The following USP54 variants were observed in gnomAD, a reference collection of about 807,000 sequenced individuals.
USP54 encodes ubiquitin specific peptidase 54, also known as ubiquitin carboxyl-terminal hydrolase 54.
A neutral mutation model predicts 170.5 loss-of-function variants in USP54; 87 were observed. That is an observed-to-expected ratio of 0.51 (90% CI 0.43 to 0.61). The LOEUF (loss-of-function observed/expected upper bound fraction) is 0.61. USP54 is among the 20% of genes least tolerant of loss of function. USP54 has a pLI of 0.00. For synonymous variants in USP54, 655 were observed against 742.8 expected, an observed-to-expected ratio of 0.88 and a Z score of 1.92; for missense variants, 1,786 against 2,047.8, an observed-to-expected ratio of 0.87 and a Z score of 2.47.
chr10:73,524,308 G>A (rs763507687), intron 16 of USP54, among the ~76,000 whole-genome samples: 4 of 151,950 alleles, frequency 2.6e-5, no homozygotes, highest in Non-Finnish European at 5.9e-5. Flanking sequence ...GGCCGGGCAT[G>A]GTGACTCACG....
intron 1 of USP54, among the ~76,000 whole-genome samples, chr10:73,587,715 A>G (rs963955836): frequency 1.3e-5 from 2 of 152,222 alleles, no homozygotes; most frequent in African/African-American, 4.8e-5. Flanking sequence ...AAATGTGACT[A>G]ATAATAACAT....
intron 12 of USP54, among the ~76,000 whole-genome samples, chr10:73,532,396 C>T (rs539875298): frequency 3.0e-4 from 46 of 152,184 alleles, no homozygotes; most frequent in Admixed American, 2.7e-3. Context: ...AGGATGGTCT[C>T]GATCTCCTGA....
At chr10:73,599,301 T>G (rs892654826) in intron 1 of USP54, among the ~76,000 whole-genome samples, 3 of 152,216 alleles carry the variant, frequency 2.0e-5, no homozygotes, top group Admixed American at 2.0e-4. Context: ...AACAATCCCC[T>G]GATCCACAAA....
intron 1 of USP54, among the ~76,000 whole-genome samples, chr10:73,600,013 T>C (rs1424574970): frequency 6.6e-6 from 1 of 151,518 alleles, no homozygotes; most frequent in Non-Finnish European, 1.5e-5. Context: ...GCGATTCTCC[T>C]GTCTCAACCT....
chr10:73,624,399 G>C (rs191164986), intron 1 of USP54: 3 of 131,832 alleles, frequency 2.3e-5, no homozygotes, highest in African/African-American at 5.6e-5. Context: ...GGGGGGGGGG[G>C]GTTTCACCAT....
upstream of USP54, among the ~76,000 whole-genome samples, chr10:73,595,073 A>C (rs1467136650): frequency 6.6e-6 from 1 of 151,946 alleles, no homozygotes; most frequent in East Asian, 1.9e-4. Flanking sequence ...TTACAGGTGC[A>C]CACCACCACA....
In USP54 at chr10:73,613,739, C is replaced by T. The variant is rs537598349; in HGVS notation, c.-18+11828G>A. Among the ~76,000 whole-genome samples the T allele has an allele frequency of 9.6e-4, 145 of 151,688 alleles. 2 individuals carry two copies. Among genetic ancestry groups the T allele is most frequent in the Admixed American group, 2.6e-4 (4 of 15,222 alleles). On this transcript the variant is annotated intron_variant, in intron 1 of 22. Coordinates refer to the USP54 transcript ENST00000339859. ...CTAAAAATACAAAAAATTAGCTGGG[C>T]GTGGTGGCGCGTGCCTGTAATCCCA...
Position 73,517,588 on chromosome 10 carries a change from G to C in USP54, c.2838C>G (p.Ser946Arg). ...LSPESSAPQHSSPSRSALKLL... is the reference protein window; with the variant it reads ...LSPESSAPQHRSPSRSALKLL... ...GCTTCAAGGCAGATCTACTGGGGGAGCTGTGCTGTGGGGCAGATGACTCTG... is the reference window on the plus strand; with the variant it reads ...GCTTCAAGGCAGATCTACTGGGGGACCTGTGCTGTGGGGCAGATGACTCTG... Residue 946 changes from serine to arginine, a missense_variant, in exon 20 of 24, where the codon AGC (serine) becomes AGG (arginine). Coordinates refer to ENST00000687698, the MANE Select transcript of USP54 (RefSeq NM_001391956.1). The C allele has an allele frequency of 6.2e-7, 1 of 1,614,228 alleles. No homozygotes were observed. The highest frequency in any genetic ancestry group is 8.5e-7 in the Non-Finnish European group (1 of 1,180,048).
intron 1 of USP54, among the ~76,000 whole-genome samples, chr10:73,608,886 CAG>C (rs973917451): frequency 6.6e-6 from 1 of 152,098 alleles, no homozygotes; most frequent in African/African-American, 2.4e-5. Context: ...GCCAGGGGGA[CAG>C]AGTGAGACTT....
chr10:73,542,799 T>G lies in USP54; in HGVS notation c.572+4A>C. 6.2e-7 allele frequency: 1 copy of G among 1,611,568 alleles called. No homozygotes were observed. The highest frequency in any genetic ancestry group is 8.5e-7 in the Non-Finnish European group (1 of 1,179,132). ...CGCACAACAGAAAATCTTGTAAGACTCACCAAAGGGAAGTGGTGGAGATAT... is the reference window on the plus strand; with the variant it reads ...CGCACAACAGAAAATCTTGTAAGACGCACCAAAGGGAAGTGGTGGAGATAT... On this transcript the variant is annotated splice_donor_region_variant and intron_variant, in intron 7 of 23. Coordinates refer to ENST00000687698, the MANE Select transcript of USP54 (RefSeq NM_001391956.1).
chr10:73,528,156 G>T (rs1251521264), intron 15 of USP54, among the ~76,000 whole-genome samples: 1 of 151,914 alleles, frequency 6.6e-6, no homozygotes, highest in Admixed American at 6.6e-5. Context: ...AGATGTTCTC[G>T]ATCTCCTGAC....
At chr10:73,558,713 G>T (rs2071915266) in intron 4 of USP54, among the ~76,000 whole-genome samples, 1 of 152,098 alleles carries the variant, frequency 6.6e-6, no homozygotes, top group African/African-American at 2.4e-5. Flanking sequence ...TGACTTTACA[G>T]AATTGGCAAG....
intron 4 of USP54, among the ~76,000 whole-genome samples, chr10:73,559,375 A>G (rs1256685111): frequency 6.6e-6 from 1 of 152,102 alleles, no homozygotes. Flanking sequence ...AGCCTGATCA[A>G]CATGGAGAAA....
intron 1 of USP54, among the ~76,000 whole-genome samples, chr10:73,584,205 T>C (rs997611704): frequency 1.3e-5 from 2 of 152,126 alleles, no homozygotes; most frequent in South Asian, 2.1e-4. Flanking sequence ...CTGGCCAACA[T>C]AGTGAAACCC....
chr10:73,585,319 G>T (rs1472906461), intron 1 of USP54, among the ~76,000 whole-genome samples: 1 of 152,140 alleles, frequency 6.6e-6, no homozygotes, highest in Non-Finnish European at 1.5e-5. Flanking sequence ...CCCAAGGCTG[G>T]GTAATTTATA....
At chr10:73,580,318 C>CAA (rs550717480) in intron 1 of USP54, among the ~76,000 whole-genome samples, 9 of 64,388 alleles carry the variant, frequency 1.4e-4, no homozygotes, top group African/African-American at 2.2e-4. Context: ...GACCCCATTT[C>CAA]AAAAAAAAAA....
intron 1 of USP54, among the ~76,000 whole-genome samples, chr10:73,588,605 C>G (rs1446705782): frequency 6.6e-6 from 1 of 152,182 alleles, no homozygotes; most frequent in Non-Finnish European, 1.5e-5. Flanking sequence ...CTATTCTTTC[C>G]TCTCTAATCC....
At chr10:73,509,344 G>A (rs2059823955) in intron 20 of USP54, among the ~76,000 whole-genome samples, 1 of 151,256 alleles carries the variant, frequency 6.6e-6, no homozygotes, top group African/African-American at 2.4e-5. Context: ...GCTCATGCCT[G>A]TAATCCCAGC....
chr10:73,544,539 G>A lies in USP54; in HGVS notation c.375+999C>T, dbSNP rs535712992. 3.3e-5 allele frequency among the ~76,000 whole-genome samples: 5 copies of A among 152,128 alleles called. No individual in the cohort carries two copies. The South Asian group carries it at 8.3e-4, about 25-fold the overall frequency. ...CAGGAATGTAATTGCTAGATCATAC[G>A]GTAGTTTACATGTCTAGCTTTTTAA... On this transcript the variant is annotated intron_variant, in intron 5 of 23. Transcript: ENST00000687698.
Sources: gnomAD v4.1 joint callset for allele counts (sites outside exome capture counted in the v4.1 genomes callset) on GRCh38, gnomAD v4.1.1 for gene constraint, MANE v1.5 for transcripts, NCBI Gene and HGNC (gene_info 2026-07-23, HGNC 2026-07-21) for gene names.